ARHGAP32: variants seen among roughly 807,000 people sequenced by gnomAD.
ARHGAP32 encodes Rho GTPase activating protein 32, also known as rho GTPase-activating protein 32.
Under a neutral mutation model 186.5 loss-of-function variants are expected in ARHGAP32, and 51 were observed. The ratio of observed to expected loss-of-function variants is 0.27; its 90% CI spans 0.22 to 0.35. The LOEUF (loss-of-function observed/expected upper bound fraction) is 0.35, where lower values mean the gene tolerates loss of function less well. Among genes scored for constraint, ARHGAP32 ranks in the 10% least tolerant of loss-of-function variants. The pLI is 1.00. For synonymous variants in ARHGAP32, 950 were observed against 964.3 expected, an observed-to-expected ratio of 0.99 and a Z score of 0.27; for missense variants, 2,186 against 2,623.5, an observed-to-expected ratio of 0.83 and a Z score of 3.64.
intron 12 of ARHGAP32, among the ~76,000 whole-genome samples, chr11:128,992,396 A>C (rs73029250): frequency 2.0e-5 from 3 of 151,942 alleles, no homozygotes; most frequent in Non-Finnish European, 4.4e-5. Context: ...AAAAAAATCA[A>C]TGATACCAGA....
At chr11:129,279,022 T>A (rs1455192152) in intron 1 of ARHGAP32, 1 of 146,138 alleles carries the variant, frequency 6.8e-6, no homozygotes, top group Non-Finnish European at 1.5e-5. Context: ...TCCGGGAGCA[T>A]GCGATCCGGA....
chr11:129,133,232 T>A (rs900378059), intron 2 of ARHGAP32, among the ~76,000 whole-genome samples: 5 of 152,176 alleles, frequency 3.3e-5, no homozygotes, highest in African/African-American at 1.2e-4. Context: ...ATAGTTAATT[T>A]TTTTAAAAGA....
intron 11 of ARHGAP32, among the ~76,000 whole-genome samples, chr11:129,021,981 A>G (rs915242969): frequency 2.6e-5 from 4 of 152,122 alleles, no homozygotes; most frequent in African/African-American, 9.6e-5. Flanking sequence ...TACAGAATAT[A>G]GATTTTAAAA....
rs1187145466 is a variant in ARHGAP32, at chr11:129,069,160, A to G, written c.532-2292T>C. Among the ~76,000 whole-genome samples, 27 of 152,076 alleles carry G rather than the reference A, an allele frequency of 1.8e-4. 1 individual carries two copies. On this transcript the variant is annotated intron_variant, in intron 6 of 22. Transcript: ENST00000682385. ...CAAGCACAAGTTTGCCAATGTCATT[A>G]CCACACCCAGCCATTTTCCTTAACT...
chr11:128,989,516 TCACA>T (rs56090706), intron 12 of ARHGAP32, among the ~76,000 whole-genome samples: 1,948 of 139,004 alleles, frequency 0.014, 37 homozygotes, highest in African/African-American at 0.047. Flanking sequence ...GTTTTTTATT[TCACA>T]CACACACACA....
chr11:129,204,552 G>C (rs907469401), intron 1 of ARHGAP32, among the ~76,000 whole-genome samples: 1 of 152,140 alleles, frequency 6.6e-6, no homozygotes, highest in South Asian at 2.1e-4. Context: ...TCAATCTGCC[G>C]TTTACTTACT....
At chr11:129,055,735 A>G (rs1940224609) in intron 10 of ARHGAP32, among the ~76,000 whole-genome samples, 1 of 152,226 alleles carries the variant, frequency 6.6e-6, no homozygotes, top group Non-Finnish European at 1.5e-5. Context: ...AAGACATGAC[A>G]GTGAAAGATC....
In ARHGAP32 at chr11:129,037,824, T is replaced by A. The variant is rs537053191; in HGVS notation, c.1045+3104A>T. ...GGCATAAGAAAACACATATAGAGAC[T>A]GGGCACGGTGGCTCATGCCTGTAAT... is the stretch of plus-strand genomic sequence containing the variant. On this transcript the variant is annotated intron_variant, in intron 11 of 22. Coordinates refer to ENST00000682385, the MANE Select transcript of ARHGAP32 (RefSeq NM_001378024.1). 3.6e-4 allele frequency among the ~76,000 whole-genome samples: 55 copies of A among 151,864 alleles called. 2 individuals are homozygous for A. Among genetic ancestry groups the A allele is most frequent in the African/African-American group, 1.3e-3 (55 of 41,280 alleles).
At chr11:129,141,597 T>C (rs1591646625) in intron 2 of ARHGAP32, among the ~76,000 whole-genome samples, 1 of 148,634 alleles carries the variant, frequency 6.7e-6, no homozygotes, top group South Asian at 2.1e-4. Context: ...GTTGTGCACA[T>C]GTACCCTAGA....
intron 16 of ARHGAP32, 103 bp downstream of exon 16, chr11:128,981,726 C>G: frequency 5.2e-6 from 6 of 1,156,668 alleles, no homozygotes; most frequent in Non-Finnish European, 7.4e-6. Context: ...ATAAAAAGAA[C>G]AGATTTGTTT....
intron 11 of ARHGAP32, among the ~76,000 whole-genome samples, chr11:129,037,872 G>A (rs1225379863): frequency 6.6e-6 from 1 of 151,914 alleles, no homozygotes; most frequent in African/African-American, 2.4e-5. Flanking sequence ...GGAGGCCGAG[G>A]TGGGCGGATC....
intron 11 of ARHGAP32, among the ~76,000 whole-genome samples, chr11:129,012,731 A>G (rs1938143331): frequency 6.6e-6 from 1 of 152,228 alleles, no homozygotes; most frequent in Non-Finnish European, 1.5e-5. Context: ...AAAAGTGACC[A>G]TTTTCAACAC....
Position 129,123,558 on chromosome 11 carries a change from G to GA in ARHGAP32, c.360-29dup, listed in dbSNP as rs1382656962. 6.3e-7 allele frequency: 1 copy of GA among 1,581,138 alleles called. No individual in the cohort carries two copies. The highest frequency in any genetic ancestry group is 1.3e-5 in the African/African-American group (1 of 74,154). ...GAAACACATGAAATAAATAAGAAAC[G>GA]AGATAGTGAAACAGTAAAAATTACT... On this transcript the variant is annotated intron_variant, in intron 4 of 22. Transcript: ENST00000682385. This position sits in a 1 kb window ranked among gnomAD's most constrained non-coding sequence, Gnocchi z 4.6.
chr11:129,181,853 CCCAA>C (rs1944060858), intron 1 of ARHGAP32, among the ~76,000 whole-genome samples: 1 of 152,124 alleles, frequency 6.6e-6, no homozygotes, highest in Non-Finnish European at 1.5e-5. Flanking sequence ...CTCCAATCTG[CCCAA>C]TTCCAACCCA....
At chr11:129,155,481 C>T (rs1943381406) in intron 2 of ARHGAP32, among the ~76,000 whole-genome samples, 1 of 152,136 alleles carries the variant, frequency 6.6e-6, no homozygotes, top group African/African-American at 2.4e-5. Flanking sequence ...AAACTATGCA[C>T]TCATTACAAT....
intron 15 of ARHGAP32, among the ~76,000 whole-genome samples, chr11:128,984,128 C>G (rs1341363504): frequency 1.3e-5 from 2 of 152,110 alleles, no homozygotes. Flanking sequence ...AATCCCAGCA[C>G]TTTGGGATGC....
chr11:128,970,935 T>C lies in ARHGAP32; in HGVS notation c.4278A>G (p.Pro1426=), dbSNP rs760730019. The stretch of plus-strand genomic sequence containing the variant: ...TCTCCATCATCCTGGTGGGGGGCAG[T>C]GGTGCAGGAAAGCCACAGGGATGCG... ...VPAHPCGFPA[P]LPPTRMMESK... Residue 1426 remains proline, a synonymous_variant, in exon 23 of 23, where the codon CCA becomes CCG. Coordinates refer to ENST00000682385, the MANE Select transcript of ARHGAP32 (RefSeq NM_001378024.1). This position sits in a 1 kb window ranked among gnomAD's most constrained non-coding sequence, Gnocchi z 5.8. 1 of 1,613,976 alleles carries C rather than the reference T, an allele frequency of 6.2e-7. No individual in the cohort carries two copies. Among genetic ancestry groups the C allele is most frequent in the Non-Finnish European group, 8.5e-7 (1 of 1,179,922 alleles).
intron 11 of ARHGAP32, among the ~76,000 whole-genome samples, chr11:128,999,892 T>C (rs1036833473): frequency 2.6e-5 from 4 of 152,252 alleles, no homozygotes; most frequent in African/African-American, 7.2e-5. Flanking sequence ...TGAGTTTTAC[T>C]GTAATATATT....
At chr11:129,092,270 G>C (rs1285033262) in intron 6 of ARHGAP32, among the ~76,000 whole-genome samples, 6 of 151,286 alleles carry the variant, frequency 4.0e-5, no homozygotes, top group Non-Finnish European at 4.4e-5. Flanking sequence ...TTGTTCATAA[G>C]AAAAAGAACA....
Sources: gnomAD v4.1 joint callset for allele counts (sites outside exome capture counted in the v4.1 genomes callset) on GRCh38, gnomAD v4.1.1 for gene constraint, Gnocchi (gnomAD v3.1) non-coding constraint, MANE v1.5 for transcripts, NCBI Gene and HGNC (gene_info 2026-07-23, HGNC 2026-07-21) for gene names.